The following TTBK2 variants were observed in gnomAD, a reference collection of about 807,000 sequenced individuals.
TTBK2 encodes tau-tubulin kinase 2.
A neutral mutation model predicts 110.8 loss-of-function variants in TTBK2; 28 were observed. The ratio of observed to expected loss-of-function variants is 0.25; its 90% CI spans 0.19 to 0.35. The LOEUF (loss-of-function observed/expected upper bound fraction) is 0.35, where lower values mean the gene tolerates loss of function less well. Among genes scored for constraint, TTBK2 ranks in the 10% least tolerant of loss-of-function variants. The pLI is 1.00. For synonymous variants in TTBK2, 532 were observed against 527.3 expected, an observed-to-expected ratio of 1.01 and a Z score of -0.12; for missense variants, 1,369 against 1,500.3, an observed-to-expected ratio of 0.91 and a Z score of 1.45.
chr15:42,768,735 T>C (rs1214386650), intron 13 of TTBK2, among the ~76,000 whole-genome samples: 1 of 152,196 alleles, frequency 6.6e-6, no homozygotes, highest in Non-Finnish European at 1.5e-5. Context: ...CCAATGACTT[T>C]CTTCACAGAA....
chr15:42,823,077 GA>G (rs1485173977), intron 6 of TTBK2, among the ~76,000 whole-genome samples: 1 of 152,150 alleles, frequency 6.6e-6, no homozygotes, highest in Non-Finnish European at 1.5e-5. Context: ...GCTAAATTCT[GA>G]AATACTAACA....
chr15:42,899,263 G>A (rs1194268270), intron 1 of TTBK2, among the ~76,000 whole-genome samples: 1 of 151,928 alleles, frequency 6.6e-6, no homozygotes, highest in East Asian at 1.9e-4. Flanking sequence ...CTCCCAAAGT[G>A]CTGGGATTAC....
At chr15:42,811,663 T>C (rs1350607551) in intron 8 of TTBK2, 25 bp downstream of exon 8, 4 of 1,591,384 alleles carry the variant, frequency 2.5e-6, no homozygotes, top group Non-Finnish European at 3.4e-6. Context: ...TCTACCACAA[T>C]TGACATCTCC....
chr15:42,900,885 T>C (rs1293846741), intron 1 of TTBK2, among the ~76,000 whole-genome samples: 4 of 152,160 alleles, frequency 2.6e-5, no homozygotes, highest in Non-Finnish European at 4.4e-5. Flanking sequence ...CATGGTCAAA[T>C]GATTTTCAAC....
intron 1 of TTBK2, among the ~76,000 whole-genome samples, chr15:42,892,441 T>G (rs1046928453): frequency 1.3e-5 from 2 of 152,102 alleles, no homozygotes; most frequent in African/African-American, 4.8e-5. Context: ...GCACGGGGGC[T>G]CACACCTGTA....
chr15:42,764,395 T>A (rs542481013), intron 13 of TTBK2, among the ~76,000 whole-genome samples: 2 of 152,316 alleles, frequency 1.3e-5, no homozygotes, highest in African/African-American at 4.8e-5. Context: ...AATGGGACAC[T>A]CTCGCCCAAA....
chr15:42,782,235 C>A (rs1191576823), intron 11 of TTBK2, among the ~76,000 whole-genome samples: 2 of 152,128 alleles, frequency 1.3e-5, no homozygotes, highest in Non-Finnish European at 2.9e-5. Context: ...CCAAACCCTG[C>A]TAATTTTTGT....
At position 42,821,055 on chromosome 15, in the gene TTBK2, A is replaced by G. The variant is rs546136441; in HGVS notation, c.538-3958T>C. 1.9e-3 allele frequency among the ~76,000 whole-genome samples: 289 copies of G among 152,232 alleles called. 1 individual carries two copies. The highest frequency in any genetic ancestry group is 6.7e-3 in the African/African-American group (280 of 41,504). Reference sequence around the variant, plus strand: ...GACTTTGTCTAAAAGAAAAAAAAAAAGAATGAGGAAGTTCTATATACTAAC... The same window carrying G: ...GACTTTGTCTAAAAGAAAAAAAAAAGGAATGAGGAAGTTCTATATACTAAC... On this transcript the variant is annotated intron_variant, in intron 6 of 14. Coordinates refer to ENST00000267890, the MANE Select transcript of TTBK2 (RefSeq NM_173500.4).
At chr15:42,824,037 A>G (rs999641366) in intron 6 of TTBK2, among the ~76,000 whole-genome samples, 9 of 152,136 alleles carry the variant, frequency 5.9e-5, no homozygotes, top group Non-Finnish European at 1.0e-4. Context: ...TGTGAAAGGA[A>G]GCAAGAAGGT....
At chr15:42,905,476 C>T (rs2030335891) in intron 1 of TTBK2, among the ~76,000 whole-genome samples, 1 of 151,992 alleles carries the variant, frequency 6.6e-6, no homozygotes, top group Non-Finnish European at 1.5e-5. Flanking sequence ...AGGCTGGTCT[C>T]AAACTCCTGA....
chr15:42,896,920 C>A, intron 1 of TTBK2, among the ~76,000 whole-genome samples: 1 of 151,364 alleles, frequency 6.6e-6, no homozygotes, highest in East Asian at 1.9e-4. Flanking sequence ...CTCTTGTCGC[C>A]CAGGCTGGAG....
intron 4 of TTBK2, among the ~76,000 whole-genome samples, chr15:42,837,217 G>C (rs1893020160): frequency 6.6e-6 from 1 of 151,722 alleles, no homozygotes; most frequent in South Asian, 2.1e-4. Context: ...AATTAGACAG[G>C]TGTGGCGGCG....
At chr15:42,763,165 T>TATAC (rs1889141236) in intron 13 of TTBK2, among the ~76,000 whole-genome samples, 3 of 12,780 alleles carry the variant, frequency 2.3e-4, no homozygotes, top group Non-Finnish European at 2.9e-4. Context: ...TACATATATA[T>TATAC]ATATATATAT....
chr15:42,789,292 C>CAT (rs1365577237), intron 10 of TTBK2, among the ~76,000 whole-genome samples: 6 of 90,796 alleles, frequency 6.6e-5, no homozygotes, highest in South Asian at 5.1e-4. Flanking sequence ...AATATATATA[C>CAT]GTGTGTGTGT....
chr15:42,844,949 C>T lies in TTBK2; in HGVS notation c.218-4516G>A, dbSNP rs138978115. Among the ~76,000 whole-genome samples the T allele has an allele frequency of 8.2e-3, 1,249 of 152,250 alleles. 19 individuals are homozygous for T. The highest frequency in any genetic ancestry group is 0.012 in the Non-Finnish European group (826 of 68,002). Reference sequence around the variant, plus strand: ...AAATACAAGATAAATTAAGTAAGATCCATGCCCTCAAAGAGTTCACAGCCA... The same window carrying T: ...AAATACAAGATAAATTAAGTAAGATTCATGCCCTCAAAGAGTTCACAGCCA... On this transcript the variant is annotated intron_variant, in intron 3 of 14. Transcript: ENST00000267890.
chr15:42,766,300 C>T (rs1311712913), intron 13 of TTBK2, among the ~76,000 whole-genome samples: 2 of 151,398 alleles, frequency 1.3e-5, no homozygotes, highest in East Asian at 3.9e-4. Context: ...GAGCTAAATG[C>T]CCCAATTAAA....
intron 1 of TTBK2, among the ~76,000 whole-genome samples, chr15:42,910,379 G>C (rs542450534): frequency 6.6e-6 from 1 of 152,212 alleles, no homozygotes; most frequent in East Asian, 1.9e-4. Context: ...TCCTAATAGA[G>C]TACACATTTC....
intron 14 of TTBK2, 126 bp downstream of exon 14, chr15:42,751,847 TG>T: frequency 8.3e-7 from 1 of 1,211,806 alleles, no homozygotes; most frequent in Non-Finnish European, 1.2e-6. Flanking sequence ...CTGTAAGGCC[TG>T]GGAAAGGCAG....
chr15:42,783,132 C>A (rs947444464), intron 11 of TTBK2, among the ~76,000 whole-genome samples: 5 of 152,150 alleles, frequency 3.3e-5, no homozygotes, highest in Non-Finnish European at 7.3e-5. Context: ...TGTGTCCCCC[C>A]AAAATTCACA....
Sources: allele counts gnomAD v4.1 joint callset (sites outside exome capture counted in the v4.1 genomes callset), GRCh38; gene constraint gnomAD v4.1.1; transcripts MANE v1.5; gene names NCBI Gene and HGNC (gene_info 2026-07-23, HGNC 2026-07-21).